Variants in COL1A2 observed in about 807,000 individuals in gnomAD.
The protein encoded by COL1A2 is collagen type I alpha 2 chain, also known as collagen alpha-2(I) chain.
Under a neutral mutation model 174.3 loss-of-function variants are expected in COL1A2, and 49 were observed. That is an observed-to-expected ratio of 0.28 (90% CI 0.22 to 0.36). The LOEUF (loss-of-function observed/expected upper bound fraction) is 0.36, where lower values mean the gene tolerates loss of function less well. COL1A2 is among the 10% of genes least tolerant of loss of function. COL1A2 has a pLI of 1.00. For synonymous variants in COL1A2, 655 were observed against 606.6 expected, an observed-to-expected ratio of 1.08 and a Z score of -1.17; for missense variants, 1,438 against 1,822.7, an observed-to-expected ratio of 0.79 and a Z score of 3.84.
chr7:94,424,258 A>T, intron 40 of COL1A2, 78 bp from the exon 41 acceptor site: 1 of 1,218,100 alleles, frequency 8.2e-7, no homozygotes, highest in Non-Finnish European at 1.2e-6. Context: ...AAGACAGTTT[A>T]TTCTCACAAT....
chr7:94,413,564 C>T, intron 26 of COL1A2, 126 bp from the exon 27 acceptor site: 2 of 941,964 alleles, frequency 2.1e-6, no homozygotes, highest in Non-Finnish European at 3.4e-6. Context: ...TCGTGGGAAC[C>T]CACAATGAGT....
At chr7:94,422,910 C>T in intron 39 of COL1A2, 47 bp from the exon 40 acceptor site, 1 of 1,610,280 alleles carries the variant, frequency 6.2e-7, no homozygotes, top group East Asian at 2.2e-5. Context: ...TCTTCCAGGC[C>T]CTTGGTGATT....
rs1792333988 is a variant in COL1A2 at position 94,428,484 on chromosome 7, A to G, written c.3711+7A>G. The G allele has an allele frequency of 6.2e-7, 1 of 1,612,102 alleles. No individual in the cohort carries two copies. The highest frequency in any genetic ancestry group is 2.2e-5 in the East Asian group (1 of 44,848). On this transcript the variant is annotated splice_region_variant and intron_variant, in intron 50 of 51. Coordinates refer to ENST00000297268, the MANE Select transcript of COL1A2 (RefSeq NM_000089.4). ...TATCAATGCTGGCAGCCAGGTGAGG[A>G]ATCCCACAAACACCTCTCCTTCTGC... is the stretch of plus-strand genomic sequence containing the variant.
intron 32 of COL1A2, among the ~76,000 whole-genome samples, 178 bp from the exon 33 acceptor site, chr7:94,418,321 C>T (rs1792083731): frequency 6.6e-6 from 1 of 152,008 alleles, no homozygotes; most frequent in Non-Finnish European, 1.5e-5. Context: ...TTATTTTTTC[C>T]TCATTATTTT....
intron 12 of COL1A2, 110 bp from the exon 13 acceptor site, chr7:94,407,737 A>G (rs2115886316): frequency 1.1e-6 from 1 of 895,208 alleles, no homozygotes; most frequent in Non-Finnish European, 1.8e-6. Context: ...TGTAAGAAAT[A>G]TTATGAAGTA....
In COL1A2 at chr7:94,413,088, T is replaced by A; in HGVS notation, c.1509T>A (p.Asp503Glu). ...GTTTTTCATTTTTACTCTAGGGTGA[T>A]CCTGGCAAAAACGGTGATAAAGGTC... ...GFPGPKGPTG[D>E]PGKNGDKGHA... Residue 503 changes from aspartate to glutamate, a missense_variant, in exon 26 of 52, where the codon GAT becomes GAA. Transcript: ENST00000297268. 1 of 1,614,174 alleles carries A rather than the reference T, an allele frequency of 6.2e-7. No individual in the cohort carries two copies. The highest frequency in any genetic ancestry group is 2.2e-5 in the East Asian group (1 of 44,890).
Position 94,430,596 on chromosome 7 carries a change from CA to C in COL1A2, c.*208del. On this transcript the variant is annotated 3_prime_UTR_variant, in exon 52 of 52. Transcript: ENST00000297268. The stretch of plus-strand genomic sequence containing the variant: ...TCATTAACTCCTTCCCCCGCTCCCC[CA>C]AAAATTTGAATTTTTTTTTCAACAC... 3.4e-6 allele frequency: 2 copies of C among 584,702 alleles called. No individual in the cohort carries two copies. 36.2% of individuals were successfully genotyped at this position (584,702 alleles called of 1,614,324 possible).
intron 46 of COL1A2, 24 bp downstream of exon 46, chr7:94,426,554 C>T (rs761406307): frequency 1.3e-6 from 2 of 1,549,534 alleles, no homozygotes; most frequent in Non-Finnish European, 1.8e-6. Flanking sequence ...AGCCATCTCG[C>T]ACATAAACTG....
Position 94,414,236 on chromosome 7 carries a change from C to T in COL1A2, c.1680C>T (p.Pro560=). The T allele has an allele frequency of 6.2e-7, 1 of 1,613,482 alleles. No individual in the cohort carries two copies. The highest frequency in any genetic ancestry group is 1.1e-5 in the South Asian group (1 of 91,034). Residue 560 remains proline (P), a synonymous_variant, in exon 29 of 52, where the codon CCC becomes CCT. Coordinates refer to ENST00000297268, the MANE Select transcript of COL1A2 (RefSeq NM_000089.4). The part of the protein sequence containing the change: ...GPPGFQGLPG[P]SGPAGEVGKP... Reference sequence around the variant, plus strand: ...TTCATTTTTAGGGTCTGCCTGGCCCCTCAGGTCCCGCTGGTGAAGTTGGCA... The same window carrying T: ...TTCATTTTTAGGGTCTGCCTGGCCCTTCAGGTCCCGCTGGTGAAGTTGGCA...
chr7:94,412,227 A>G, intron 24 of COL1A2, 106 bp downstream of exon 24: 1 of 926,538 alleles, frequency 1.1e-6, no homozygotes, highest in Non-Finnish European at 1.7e-6. Flanking sequence ...AATAAATATC[A>G]GACACATACA....
At chr7:94,417,888 A>G (rs1792075389) in intron 32 of COL1A2, 57 bp downstream of exon 32, 1 of 1,390,584 alleles carries the variant, frequency 7.2e-7, no homozygotes, top group East Asian at 2.5e-5. Flanking sequence ...AAGGCTGCAC[A>G]AGGATGCCCA....
intron 42 of COL1A2, 68 bp from the exon 43 acceptor site, chr7:94,425,542 C>A: frequency 1.3e-6 from 2 of 1,500,802 alleles, no homozygotes; most frequent in South Asian, 2.3e-5. Context: ...GACAGAGTAG[C>A]TACAACATAG....
chr7:94,413,623 G>A (rs1791978080), intron 26 of COL1A2, 67 bp from the exon 27 acceptor site: 2 of 1,448,038 alleles, frequency 1.4e-6, no homozygotes, highest in Non-Finnish European at 1.9e-6. Flanking sequence ...TAATACCTGA[G>A]GCTTTGAGAC....
intron 2 of COL1A2, among the ~76,000 whole-genome samples, chr7:94,398,111 A>G (rs984703576): frequency 2.0e-5 from 3 of 152,108 alleles, no homozygotes; most frequent in Non-Finnish European, 4.4e-5. Flanking sequence ...AAAAGCACTT[A>G]TTGTTAACAC....
chr7:94,416,306 C>A, intron 30 of COL1A2, 99 bp from the exon 31 acceptor site: 3 of 1,053,368 alleles, frequency 2.8e-6, no homozygotes, highest in Non-Finnish European at 4.2e-6. Context: ...TAAATGCAAA[C>A]CAGGGCTCGG....
Position 94,425,643 on chromosome 7 carries a change from G to A in COL1A2, c.2815G>A (p.Asp939Asn), listed in dbSNP as rs776169837. The stretch of plus-strand genomic sequence containing the variant: ...TGGGAACGATGGTCCCCCAGGTCGC[G>A]ATGGTCAACCCGGACACAAGGTCAG... ...NPGNDGPPGRDGQPGHKGERG... is the reference protein window; with the variant it reads ...NPGNDGPPGRNGQPGHKGERG... The change falls in exon 43 of 52, where the codon GAT becomes AAT. Residue 939 changes from aspartate (D) to asparagine (N), a missense_variant. Coordinates refer to ENST00000297268, the MANE Select transcript of COL1A2 (RefSeq NM_000089.4). 35 of 1,614,012 alleles carry A rather than the reference G, an allele frequency of 2.2e-5. No homozygotes were observed. Among genetic ancestry groups the A allele is most frequent in the South Asian group, 3.3e-5 (3 of 91,078 alleles).
Position 94,430,660 on chromosome 7 carries a change from A to G in COL1A2, c.*267A>G. Reference sequence around the variant, plus strand: ...TATGGAAAATGTCAACCTTTGTAAGAAAACCAAAATAAAAATTGAAAAATA... The same window carrying G: ...TATGGAAAATGTCAACCTTTGTAAGGAAACCAAAATAAAAATTGAAAAATA... On this transcript the variant is annotated 3_prime_UTR_variant, in exon 52 of 52. Coordinates refer to ENST00000297268, the MANE Select transcript of COL1A2 (RefSeq NM_000089.4). The G allele has an allele frequency of 7.1e-6, 3 of 420,494 alleles. No homozygotes were observed. Among genetic ancestry groups the G allele is most frequent in the Non-Finnish European group, 1.3e-5 (3 of 236,112 alleles). The allele number at this position is 420,494 out of a possible 1,614,324, so 26.0% of individuals were successfully genotyped here. A position where few individuals can be genotyped will look rare whatever the true frequency, so the allele number is the denominator to read the frequency against.
Position 94,430,450 on chromosome 7 carries a change from TTTCTTC to T in COL1A2, c.*66_*71del, listed in dbSNP as rs202013558. Reference sequence around the variant, plus strand: ...ATTTGAAAAAACTTTCTCTTTGCCATTTCTTCTTCTTCTTTTTTAACTGAAAGCTGA... The same window carrying T: ...ATTTGAAAAAACTTTCTCTTTGCCATTTCTTCTTTTTTAACTGAAAGCTGA... On this transcript the variant is annotated 3_prime_UTR_variant, in exon 52 of 52. Transcript: ENST00000297268. 1 of 1,561,998 alleles carries T rather than the reference TTTCTTC, an allele frequency of 6.4e-7. No individual in the cohort carries two copies. Among genetic ancestry groups the T allele is most frequent in the Non-Finnish European group, 8.8e-7 (1 of 1,141,294 alleles).
At chr7:94,398,928 A>G (rs1197440622) in intron 3 of COL1A2, 121 bp from the exon 4 acceptor site, 13 of 913,774 alleles carry the variant, frequency 1.4e-5, no homozygotes, top group Non-Finnish European at 2.4e-5. Flanking sequence ...TTTATATGCT[A>G]TCTAATAACA....
Sources: allele counts gnomAD v4.1 joint callset (sites outside exome capture counted in the v4.1 genomes callset), GRCh38; gene constraint gnomAD v4.1.1; transcripts MANE v1.5; gene names NCBI Gene and HGNC (gene_info 2026-07-23, HGNC 2026-07-21).